The following CNTN4 variants were observed in gnomAD, a reference collection of about 807,000 sequenced individuals.
CNTN4 encodes contactin 4.
A neutral mutation model predicts 122.5 loss-of-function variants in CNTN4; 77 were observed. That is an observed-to-expected ratio of 0.63 (90% CI 0.52 to 0.76). The LOEUF (loss-of-function observed/expected upper bound fraction) is 0.76, where lower values mean the gene tolerates loss of function less well. Ranked by LOEUF, CNTN4 falls within the 30% of genes least tolerant of loss-of-function variation. CNTN4 has a pLI of 0.00. For missense variants in CNTN4, 1,256 were observed against 1,259.1 expected (o/e 1.00, Z 0.04); for synonymous variants, 512 against 447.0 (o/e 1.15, Z -1.83).
chr3:2,625,601 T>C (rs1284504867), intron 4 of CNTN4, among the ~76,000 whole-genome samples: 1 of 152,218 alleles, frequency 6.6e-6, no homozygotes, highest in Non-Finnish European at 1.5e-5. Flanking sequence ...CGTTGAAACT[T>C]GTGACTTGCT....
intron 2 of CNTN4, among the ~76,000 whole-genome samples, chr3:2,169,513 TCTC>T (rs377645208): frequency 0.023 from 3,501 of 151,780 alleles, 165 homozygotes; most frequent in East Asian, 0.21. Flanking sequence ...TTCCCGCCAT[TCTC>T]CTGCCTCAGC....
chr3:2,769,286 AC>A (rs764474605), intron 6 of CNTN4, among the ~76,000 whole-genome samples: 28 of 151,892 alleles, frequency 1.8e-4, no homozygotes, highest in Non-Finnish European at 3.1e-4. Context: ...ATATGGTGAA[AC>A]CCCATCTCTA....
chr3:2,685,025 A>AGCGATTAGCTTTTTTTTACATG (rs2085359270), intron 4 of CNTN4, among the ~76,000 whole-genome samples: 1 of 152,222 alleles, frequency 6.6e-6, no homozygotes, highest in Admixed American at 6.5e-5. Context: ...ACATTTACTT[A>AGCGATTAGCTTTTTTTTACATG]GCGATTAGCT....
At chr3:2,890,717 C>T (rs2094029576) in intron 10 of CNTN4, among the ~76,000 whole-genome samples, 2 of 152,228 alleles carry the variant, frequency 1.3e-5, no homozygotes, top group Non-Finnish European at 2.9e-5. Flanking sequence ...TTTGTCCCTA[C>T]TGTAGCCATG....
intron 2 of CNTN4, among the ~76,000 whole-genome samples, chr3:2,295,579 T>C (rs148332437): frequency 0.076 from 11,613 of 152,166 alleles, 543 homozygotes; most frequent in Non-Finnish European, 0.11. Context: ...TGGATATTAG[T>C]CCTTTGTCAG....
intron 12 of CNTN4, among the ~76,000 whole-genome samples, chr3:2,915,651 G>C (rs573897842): frequency 6.6e-6 from 1 of 152,082 alleles, no homozygotes; most frequent in Non-Finnish European, 1.5e-5. Flanking sequence ...TTTACAGTCA[G>C]AAAATTAAAA....
At chr3:3,035,305 C>CA (rs1255595358) in intron 17 of CNTN4, among the ~76,000 whole-genome samples, 4,222 of 64,112 alleles carry the variant, frequency 0.066, 155 homozygotes, top group African/African-American at 0.14. Flanking sequence ...GACTCCGTCT[C>CA]AAAAAAAAAA....
At chr3:2,414,370 T>C (rs1294965947) in intron 3 of CNTN4, among the ~76,000 whole-genome samples, 1 of 152,158 alleles carries the variant, frequency 6.6e-6, no homozygotes, top group Non-Finnish European at 1.5e-5. Flanking sequence ...GAAGTAAGCA[T>C]ATAAGCCTAA....
At chr3:2,460,646 C>G (rs2049169598) in intron 3 of CNTN4, among the ~76,000 whole-genome samples, 1 of 152,150 alleles carries the variant, frequency 6.6e-6, no homozygotes, top group South Asian at 2.1e-4. Context: ...AAAAACAATT[C>G]ATGTTTCGCT....
At chr3:2,847,649 A>G (rs567896730) in intron 7 of CNTN4, among the ~76,000 whole-genome samples, 17 of 152,222 alleles carry the variant, frequency 1.1e-4, no homozygotes, top group Admixed American at 9.2e-4. Context: ...GTCCTGTGCA[A>G]ACTCACAGTG....
At chr3:2,746,776 G>A (rs1478521762) in intron 6 of CNTN4, among the ~76,000 whole-genome samples, 4 of 152,124 alleles carry the variant, frequency 2.6e-5, no homozygotes, top group South Asian at 2.1e-4. Flanking sequence ...ATGTATATGC[G>A]AGATTCCAGG....
chr3:2,763,938 TG>T (rs1431239809), intron 6 of CNTN4, among the ~76,000 whole-genome samples: 1 of 152,078 alleles, frequency 6.6e-6, no homozygotes, highest in Non-Finnish European at 1.5e-5. Flanking sequence ...TTTGTTATTT[TG>T]CTTAGGATTG....
chr3:2,895,162 G>T (rs2094093367), intron 10 of CNTN4, among the ~76,000 whole-genome samples: 1 of 152,158 alleles, frequency 6.6e-6, no homozygotes, highest in African/African-American at 2.4e-5. Flanking sequence ...TTTTAGGAAA[G>T]ATGAGGTTTC....
At chr3:2,116,013 G>T (rs2033325625) in intron 2 of CNTN4, among the ~76,000 whole-genome samples, 1 of 152,132 alleles carries the variant, frequency 6.6e-6, no homozygotes, top group Admixed American at 6.5e-5. Context: ...CTTTCTCGAA[G>T]GTGCTTTATA....
chr3:2,185,603 G>T (rs1291549597), intron 2 of CNTN4, among the ~76,000 whole-genome samples: 1 of 152,154 alleles, frequency 6.6e-6, no homozygotes, highest in Non-Finnish European at 1.5e-5. Context: ...TTCTGGGTCA[G>T]TGGGCACTTC....
At chr3:2,345,945 C>G (rs540231351) in intron 3 of CNTN4, among the ~76,000 whole-genome samples, 3 of 152,094 alleles carry the variant, frequency 2.0e-5, no homozygotes, top group African/African-American at 7.2e-5. Flanking sequence ...CTGAGATTTC[C>G]TTTCTAATTT....
chr3:2,925,860 T>A, intron 13 of CNTN4, 81 bp downstream of exon 13: 1 of 1,235,432 alleles, frequency 8.1e-7, no homozygotes. Flanking sequence ...AAGGGGAAGG[T>A]GGGGTGACTA....
intron 13 of CNTN4, among the ~76,000 whole-genome samples, chr3:2,979,577 T>C (rs1473174271): frequency 6.6e-6 from 1 of 152,016 alleles, no homozygotes; most frequent in Admixed American, 6.6e-5. Flanking sequence ...CAATCATGTA[T>C]AAAAGAGAGT....
Position 2,770,763 on chromosome 3 carries a change from G to C in CNTN4, c.358+25066G>C, listed in dbSNP as rs529803934. 3.9e-5 allele frequency among the ~76,000 whole-genome samples: 6 copies of C among 152,318 alleles called. No homozygotes were observed. In the East Asian group the frequency reaches 1.2e-3, roughly 29 times the overall value. On this transcript the variant is annotated intron_variant, in intron 6 of 24. Transcript: ENST00000418658. ...AGCTGACGCAGTGGGAATAGCAAGA[G>C]TTGACAGGCAATGCTTAGTGTATGG...
Sources: gnomAD v4.1 joint callset for allele counts (sites outside exome capture counted in the v4.1 genomes callset) on GRCh38, gnomAD v4.1.1 for gene constraint, MANE v1.5 for transcripts, NCBI Gene and HGNC (gene_info 2026-07-23, HGNC 2026-07-21) for gene names.